The following CYB5R3 variants were observed in gnomAD, a reference collection of about 807,000 sequenced individuals.
The protein encoded by CYB5R3 is NADH-cytochrome b5 reductase 3.
In CYB5R3, 28 loss-of-function variants were observed where a neutral mutation model predicts 36.5. The observed-to-expected ratio is 0.77, with a 90% CI of 0.57 to 1.05. The LOEUF (loss-of-function observed/expected upper bound fraction) is 1.05. Among genes scored for constraint, CYB5R3 ranks in the 50% least tolerant of loss-of-function variants. The probability of loss-of-function intolerance (pLI) is 0.00; values close to 1 mark genes in which losing one functional copy is unlikely to be tolerated. For missense variants in CYB5R3, 474 were observed against 408.9 expected, an observed-to-expected ratio of 1.16 and a Z score of -1.37; for synonymous variants, 181 against 159.8, an observed-to-expected ratio of 1.13 and a Z score of -1.00.
chr22:42,623,605 C>T (rs1027269795), intron 8 of CYB5R3, among the ~76,000 whole-genome samples, 184 bp downstream of exon 8: 2 of 152,162 alleles, frequency 1.3e-5, no homozygotes, highest in Non-Finnish European at 1.5e-5. Flanking sequence ...TGGTGGTTTC[C>T]GGCTGTGTGG....
intron 2 of CYB5R3, 81 bp from the exon 3 acceptor site, chr22:42,631,531 C>T: frequency 8.2e-7 from 1 of 1,225,618 alleles, no homozygotes; most frequent in South Asian, 1.3e-5. Flanking sequence ...GAGCCCCCAT[C>T]CCATTCCTCC....
intron 8 of CYB5R3, among the ~76,000 whole-genome samples, chr22:42,623,118 G>A (rs1319103314): frequency 2.0e-5 from 3 of 152,244 alleles, no homozygotes; most frequent in African/African-American, 7.2e-5. Context: ...GTTTCCTGGG[G>A]AAGGCTGAGC....
rs1387165370 is a variant in CYB5R3 at position 42,631,427 on chromosome 22, G to C, written c.177C>G (p.Arg59=). The change falls in exon 3 of 9, where the codon CGC becomes CGG. Residue 59 remains arginine (R), a synonymous_variant. Coordinates refer to ENST00000352397, the MANE Select transcript of CYB5R3 (RefSeq NM_000398.7). ...DREIISHDTR[R]FRFALPSPQH... ...GGGGTGACGGCAGGGCAAAGCGGAA[G>C]CGCCGGGTGTCATGGCTGATGATCT... 14 of 1,551,640 alleles carry C rather than the reference G, an allele frequency of 9.0e-6. No homozygotes were observed. Among genetic ancestry groups the C allele is most frequent in the Middle Eastern group, 1.7e-4 (1 of 5,992 alleles).
At chr22:42,624,958 G>A (rs1437566664) in intron 7 of CYB5R3, among the ~76,000 whole-genome samples, 5 of 152,060 alleles carry the variant, frequency 3.3e-5, no homozygotes, top group African/African-American at 9.7e-5. Context: ...CTGTGTGAGG[G>A]GCATAAGCCT....
intron 7 of CYB5R3, among the ~76,000 whole-genome samples, chr22:42,626,226 C>T (rs1474028628): frequency 6.6e-6 from 1 of 152,212 alleles, no homozygotes; most frequent in Non-Finnish European, 1.5e-5. Flanking sequence ...AGGAGAATCA[C>T]TTGAACCCGG....
intron 4 of CYB5R3, among the ~76,000 whole-genome samples, chr22:42,630,205 C>A (rs144786322): frequency 1.3e-5 from 2 of 152,152 alleles, no homozygotes; most frequent in Admixed American, 6.5e-5. Flanking sequence ...CTGCCCCTAA[C>A]GCCTGCATCT....
At chr22:42,647,012 T>A (rs1929568841) in intron 1 of CYB5R3, 1 of 978,706 alleles carries the variant, frequency 1.0e-6, no homozygotes, top group African/African-American at 1.8e-5. Flanking sequence ...GGCCAACCCC[T>A]GGCCTGGATC....
intron 2 of CYB5R3, 148 bp from the exon 3 acceptor site, chr22:42,631,598 G>C: frequency 1.4e-6 from 1 of 734,730 alleles, no homozygotes; most frequent in South Asian, 1.5e-5. Context: ...TGACGCCGAC[G>C]CCAAGCACAG....
At chr22:42,627,759 G>A in intron 5 of CYB5R3, 71 bp from the exon 6 acceptor site, 1 of 1,213,608 alleles carries the variant, frequency 8.2e-7, no homozygotes, top group Non-Finnish European at 1.2e-6. Context: ...GGCTGGAGAG[G>A]GGGCTGGAGA....
rs1480825120 is a variant in CYB5R3 at position 42,619,420 on chromosome 22, T to C, written c.*353A>G. The C allele has an allele frequency of 3.8e-5, 11 of 288,790 alleles. No individual in the cohort carries two copies. Among genetic ancestry groups the C allele is most frequent in the Admixed American group, 9.2e-5 (2 of 21,808 alleles). 17.9% of individuals were successfully genotyped at this position (288,790 alleles called of 1,614,324 possible). On this transcript the variant is annotated 3_prime_UTR_variant, in exon 9 of 9. Transcript: ENST00000352397. ...TGTGTGTCTGCTGACATCCCGACTATGGTCCACGGCCGGGAATGGTGGGCA... is the reference window on the plus strand; with the variant it reads ...TGTGTGTCTGCTGACATCCCGACTACGGTCCACGGCCGGGAATGGTGGGCA...
chr22:42,646,099 G>A (rs544468617), intron 1 of CYB5R3, among the ~76,000 whole-genome samples: 3 of 152,150 alleles, frequency 2.0e-5, no homozygotes, highest in Non-Finnish European at 2.9e-5. Flanking sequence ...CCCCGTCCTC[G>A]TCCACAGCAC....
At chr22:42,628,093 C>T (rs1928390044) in intron 5 of CYB5R3, 59 bp downstream of exon 5, 4 of 1,610,760 alleles carry the variant, frequency 2.5e-6, no homozygotes, top group South Asian at 2.2e-5. Flanking sequence ...ACCCAGCACG[C>T]CCAAGCTCTC....
rs5751318 is a variant in CYB5R3, at chr22:42,639,787, G to T, written c.22-2941C>A. On this transcript the variant is annotated intron_variant, in intron 1 of 8. Transcript: ENST00000352397. ...GCAAAGGGGCAACTTACTCTTAAAT[G>T]GTTCAAAATATAGACACAGTTGACC... is the stretch of plus-strand genomic sequence containing the variant. 11 of 714,328 alleles carry T rather than the reference G, an allele frequency of 1.5e-5. No individual in the cohort carries two copies. In the Admixed American group the frequency reaches 1.9e-4, roughly 12 times the overall value. The allele number at this position is 714,328 out of a possible 1,614,324, so 44.2% of individuals were successfully genotyped here. A position where few individuals can be genotyped will look rare whatever the true frequency, so the allele number is the denominator to read the frequency against.
intron 2 of CYB5R3, among the ~76,000 whole-genome samples, chr22:42,636,200 G>C (rs1020137488): frequency 6.6e-6 from 1 of 152,006 alleles, no homozygotes; most frequent in African/African-American, 2.4e-5. Flanking sequence ...CTGGGACACA[G>C]GGCAAGACTC....
intron 2 of CYB5R3, among the ~76,000 whole-genome samples, chr22:42,636,035 C>T (rs8190419): frequency 4.0e-3 from 604 of 152,138 alleles, no homozygotes; most frequent in Non-Finnish European, 5.8e-3. Context: ...GGCAACAGGA[C>T]GAAACCCCAC....
chr22:42,627,542 C>G, intron 6 of CYB5R3, 63 bp downstream of exon 6: 1 of 1,538,352 alleles, frequency 6.5e-7, no homozygotes, highest in African/African-American at 1.4e-5. Context: ...CTGCGCCTCA[C>G]CCACACCCCA....
chr22:42,627,417 C>A, intron 6 of CYB5R3, 28 bp from the exon 7 acceptor site: 4 of 1,608,928 alleles, frequency 2.5e-6, no homozygotes, highest in Non-Finnish European at 3.4e-6. Context: ...GGGCCTCGCA[C>A]GTGCTGAGCG....
intron 1 of CYB5R3, chr22:42,644,689 G>T (rs985170612): frequency 4.1e-6 from 4 of 984,268 alleles, no homozygotes; most frequent in Non-Finnish European, 4.8e-6. Context: ...CGCCCACGTG[G>T]AATAGAGTCT....
intron 7 of CYB5R3, among the ~76,000 whole-genome samples, chr22:42,624,443 C>T (rs1928158950): frequency 6.6e-6 from 1 of 152,096 alleles, no homozygotes. Context: ...CTTGCCCACA[C>T]CCATCCTCCT....
Sources: gnomAD v4.1 joint callset for allele counts (sites outside exome capture counted in the v4.1 genomes callset) on GRCh38, gnomAD v4.1.1 for gene constraint, MANE v1.5 for transcripts, NCBI Gene and HGNC (gene_info 2026-07-23, HGNC 2026-07-21) for gene names.